CELF2: variants seen among roughly 807,000 people sequenced by gnomAD.
CELF2 encodes the protein CUGBP Elav-like family member 2, also known as CUG triplet repeat RNA-binding protein 2.
Under a neutral mutation model 62.6 loss-of-function variants are expected in CELF2, and 8 were observed. The ratio of observed to expected loss-of-function variants is 0.13; its 90% CI spans 0.07 to 0.23. CELF2 has a LOEUF of 0.23. CELF2 is among the 10% of genes least tolerant of loss of function. CELF2 has a pLI of 1.00. For synonymous variants in CELF2, 258 were observed against 250.0 expected (o/e 1.03, Z -0.30); for missense variants, 333 against 671.0 (o/e 0.50, Z 5.56).
In CELF2 at chr10:11,331,462, T is replaced by C. The variant is rs1430733503; in HGVS notation, c.*2409T>C. ...TGTGTTCAGCAAAATGTGATGTTTT[T>C]TTCTTTTAAAGAAAAAAAGTGAAAA... On this transcript the variant is annotated 3_prime_UTR_variant, in exon 13 of 13. Transcript: ENST00000633077. 4 of 152,430 alleles carry C rather than the reference T, an allele frequency of 2.6e-5. No individual in the cohort carries two copies. The highest frequency in any genetic ancestry group is 9.7e-5 in the African/African-American group (4 of 41,416). 9.4% of individuals were successfully genotyped at this position (152,430 alleles called of 1,614,324 possible). A position where few individuals can be genotyped will look rare whatever the true frequency, so the allele number is the denominator to read the frequency against.
intron 9 of CELF2, among the ~76,000 whole-genome samples, chr10:11,301,505 C>T (rs1162894187): frequency 1.5e-5 from 1 of 64,594 alleles, no homozygotes; most frequent in South Asian, 6.0e-4. Context: ...CCCCCCACCC[C>T]GCTCCCACAG....
chr10:10,723,613 T>G, the CELF2 span, among the ~76,000 whole-genome samples: 1 of 152,216 alleles, frequency 6.6e-6, no homozygotes, highest in Non-Finnish European at 1.5e-5. Flanking sequence ...CCTCATTTTT[T>G]TTAAAGCACA....
chr10:10,671,922 C>T, the CELF2 span, among the ~76,000 whole-genome samples: 1 of 151,910 alleles, frequency 6.6e-6, no homozygotes, highest in Non-Finnish European at 1.5e-5. Context: ...TAGAGATAGG[C>T]TTTCCCCATG....
At chr10:10,911,590 T>C (rs2134380280) in intron 1 of CELF2, among the ~76,000 whole-genome samples, 1 of 152,348 alleles carries the variant, frequency 6.6e-6, no homozygotes, top group African/African-American at 2.4e-5. Context: ...CTAAGGGATT[T>C]GTGCATGGGA....
At chr10:10,833,011 CTCTG>C (rs1178402248) in intron 1 of CELF2, among the ~76,000 whole-genome samples, 2 of 102,780 alleles carry the variant, frequency 1.9e-5, no homozygotes, top group African/African-American at 7.8e-5. Flanking sequence ...ACACAGAAAA[CTCTG>C]TGTGTGTGTG....
the CELF2 span, among the ~76,000 whole-genome samples, chr10:10,744,808 T>C: frequency 6.6e-6 from 1 of 152,068 alleles, no homozygotes; most frequent in Non-Finnish European, 1.5e-5. Flanking sequence ...GGATAAAAAT[T>C]TGTAAGTCAT....
At chr10:10,786,423 C>A in the CELF2 span, among the ~76,000 whole-genome samples, 17 of 150,990 alleles carry the variant, frequency 1.1e-4, no homozygotes, top group Non-Finnish European at 2.2e-4. Context: ...AATAAGCCAA[C>A]CATAATACAG....
At chr10:11,250,083 T>A (rs1169572155) in intron 4 of CELF2, among the ~76,000 whole-genome samples, 3 of 152,240 alleles carry the variant, frequency 2.0e-5, no homozygotes, top group Non-Finnish European at 4.4e-5. Flanking sequence ...GGGCTCTAAA[T>A]CTCTCCACAA....
chr10:11,135,341 C>G (rs748148090), intron 1 of CELF2, among the ~76,000 whole-genome samples: 1 of 152,238 alleles, frequency 6.6e-6, no homozygotes, highest in Admixed American at 6.5e-5. Flanking sequence ...CCTGACAAGT[C>G]TTTTCTCGTA....
At chr10:10,625,290 A>G in the CELF2 span, among the ~76,000 whole-genome samples, 1 of 152,242 alleles carries the variant, frequency 6.6e-6, no homozygotes, top group African/African-American at 2.4e-5. Context: ...AAATACAGCA[A>G]TAATAACCAC....
At chr10:10,686,310 T>TTGGGGGG in the CELF2 span, among the ~76,000 whole-genome samples, 5 of 69,754 alleles carry the variant, frequency 7.2e-5, no homozygotes, top group Admixed American at 1.9e-4. Flanking sequence ...TTGGATTTTT[T>TTGGGGGG]GGGGGGGGGG....
chr10:10,625,612 C>T, the CELF2 span, among the ~76,000 whole-genome samples: 2 of 152,178 alleles, frequency 1.3e-5, no homozygotes. Context: ...AAAGTGAAAA[C>T]TTCTTACTTG....
intron 1 of CELF2, among the ~76,000 whole-genome samples, chr10:10,804,352 T>G (rs2054985822): frequency 6.6e-6 from 1 of 152,244 alleles, no homozygotes; most frequent in African/African-American, 2.4e-5. Context: ...CTGGGCTGGA[T>G]ATGGCCCAGG....
At chr10:10,794,121 C>T (rs11592096), upstream of CELF2, among the ~76,000 whole-genome samples, 38,255 of 152,034 alleles carry the variant, frequency 0.25, 5,279 homozygotes, top group East Asian at 0.52. Flanking sequence ...GTTGCCACGC[C>T]GTGGTTTGCT....
the CELF2 span, among the ~76,000 whole-genome samples, chr10:10,580,074 A>C: frequency 3.3e-5 from 5 of 152,306 alleles, no homozygotes; most frequent in African/African-American, 1.2e-4. Context: ...GTGATGATGC[A>C]AGGAAAATGT....
intron 1 of CELF2, among the ~76,000 whole-genome samples, chr10:11,070,602 A>G (rs1446266262): frequency 1.3e-5 from 2 of 152,162 alleles, no homozygotes; most frequent in Non-Finnish European, 2.9e-5. Context: ...AGTCGTGAAA[A>G]TCTTGAGCAA....
the CELF2 span, among the ~76,000 whole-genome samples, chr10:10,675,813 C>T: frequency 6.6e-6 from 1 of 152,296 alleles, no homozygotes; most frequent in South Asian, 2.1e-4. Flanking sequence ...CTTTCAGCTT[C>T]CTTCTTAGGA....
At chr10:10,488,478 G>C in the CELF2 span, among the ~76,000 whole-genome samples, 1 of 152,142 alleles carries the variant, frequency 6.6e-6, no homozygotes, top group East Asian at 1.9e-4. Flanking sequence ...CTGGTACCTA[G>C]CTGTATTGAA....
chr10:11,299,921 A>T (rs1344322718), intron 9 of CELF2, among the ~76,000 whole-genome samples: 4 of 152,170 alleles, frequency 2.6e-5, no homozygotes, highest in Non-Finnish European at 4.4e-5. Flanking sequence ...GCAAAATATC[A>T]TTGGCAGGGA....
Sources: gnomAD v4.1 joint callset for allele counts (sites outside exome capture counted in the v4.1 genomes callset) on GRCh38, gnomAD v4.1.1 for gene constraint, MANE v1.5 for transcripts, NCBI Gene and HGNC (gene_info 2026-07-23, HGNC 2026-07-21) for gene names.